CEACAM21: variants seen among roughly 807,000 people sequenced by gnomAD.
CEACAM21 encodes the protein cell adhesion molecule CEACAM21.
A neutral mutation model predicts 33.2 loss-of-function variants in CEACAM21; 38 were observed. That is an observed-to-expected ratio of 1.14 (90% CI 0.88 to 1.50). The LOEUF (loss-of-function observed/expected upper bound fraction) is 1.50, where lower values mean the gene tolerates loss of function less well. Ranked by LOEUF, CEACAM21 falls within the 40% of genes most tolerant of loss-of-function variation. The pLI, the probability that CEACAM21 is intolerant of heterozygous loss-of-function variation, is 0.00. For missense variants in CEACAM21, 385 were observed against 364.6 expected, an observed-to-expected ratio of 1.06 and a Z score of -0.46; for synonymous variants, 156 against 143.0, an observed-to-expected ratio of 1.09 and a Z score of -0.65.
In CEACAM21 at chr19:41,586,497, T is replaced by C. The variant is rs1555795580; in HGVS notation, c.*34T>C. The C allele has an allele frequency of 6.3e-6, 4 of 637,770 alleles. 1 individual carries two copies. The highest frequency in any genetic ancestry group is 3.7e-5 in the Admixed American group (2 of 54,576). 39.5% of individuals were successfully genotyped at this position (637,770 alleles called of 1,614,324 possible). A position where few individuals can be genotyped will look rare whatever the true frequency, so the allele number is the denominator to read the frequency against. ...ACACTCTGACACAAACATTTACTGC[T>C]GGATCGACCACAAAGCAGATGTGGC... On this transcript the variant is annotated 3_prime_UTR_variant, in exon 7 of 7. Coordinates refer to ENST00000401445, the MANE Select transcript of CEACAM21 (RefSeq NM_001098506.4).
intron 3 of CEACAM21, among the ~76,000 whole-genome samples, chr19:41,583,310 G>A (rs577119655): frequency 2.2e-4 from 33 of 152,200 alleles, no homozygotes; most frequent in African/African-American, 2.9e-4. Flanking sequence ...CACTATCAGC[G>A]TTTTAATCAA....
intron 3 of CEACAM21, among the ~76,000 whole-genome samples, chr19:41,580,022 G>A (rs577440985): frequency 2.8e-4 from 42 of 152,258 alleles, no homozygotes; most frequent in African/African-American, 9.4e-4. Flanking sequence ...GTTGTTATTA[G>A]CTGTTAAGTT....
chr19:41,575,411 C>T (rs1555790662), upstream of CEACAM21, among the ~76,000 whole-genome samples: 1 of 152,214 alleles, frequency 6.6e-6, no homozygotes, highest in African/African-American at 2.4e-5. Context: ...AGTCCTCATA[C>T]TCATGTACAC....
chr19:41,553,744 A>G (rs2041365361), intron 1 of CEACAM21: 1 of 152,060 alleles, frequency 6.6e-6, no homozygotes, highest in Non-Finnish European at 1.5e-5. Context: ...CACAGGATAT[A>G]AGGTCAGTTT....
At chr19:41,584,534 T>C (rs1358686307) in intron 4 of CEACAM21, 91 bp downstream of exon 4, 5 of 1,177,752 alleles carry the variant, frequency 4.2e-6, no homozygotes, top group Non-Finnish European at 6.2e-6. Context: ...AGTGCCAGGC[T>C]CTCCCCAGCC....
chr19:41,567,728 C>A (rs1471363484), intron 2 of CEACAM21, among the ~76,000 whole-genome samples: 2 of 152,152 alleles, frequency 1.3e-5, no homozygotes, highest in Non-Finnish European at 2.9e-5. Flanking sequence ...TAGCTCATAT[C>A]ATTGTAAAGT....
At chr19:41,585,710 T>C in intron 5 of CEACAM21, 130 bp from the exon 6 acceptor site, 1 of 1,106,548 alleles carries the variant, frequency 9.0e-7, no homozygotes, top group Non-Finnish European at 1.3e-6. Flanking sequence ...CTTGCTTACT[T>C]GACCCCTAAA....
intron 1 of CEACAM21, among the ~76,000 whole-genome samples, chr19:41,576,929 A>G (rs1555791269): frequency 6.6e-6 from 1 of 152,172 alleles, no homozygotes; most frequent in African/African-American, 2.4e-5. Context: ...TCACGAAAGA[A>G]GTCTCCCAGG....
At chr19:41,570,984 G>C (rs1382845314) in intron 2 of CEACAM21, among the ~76,000 whole-genome samples, 1 of 152,164 alleles carries the variant, frequency 6.6e-6, no homozygotes, top group East Asian at 1.9e-4. Context: ...GGGAAGCTGC[G>C]GGAGGGCACA....
upstream of CEACAM21, among the ~76,000 whole-genome samples, chr19:41,573,295 T>C (rs782298699): frequency 6.6e-6 from 1 of 152,172 alleles, no homozygotes; most frequent in Non-Finnish European, 1.5e-5. Context: ...GAACATGGAA[T>C]ACTCGGGGCC....
At chr19:41,565,371 C>G (rs1332170950) in intron 2 of CEACAM21, among the ~76,000 whole-genome samples, 2 of 152,112 alleles carry the variant, frequency 1.3e-5, no homozygotes, top group African/African-American at 4.8e-5. Flanking sequence ...GACACCCAGC[C>G]CGGGGGATCA....
rs782471178 is a variant in CEACAM21, at chr19:41,585,481, C to T, written c.836C>T (p.Pro279Leu). Reference sequence around the variant, plus strand: ...AGTGACTTCAGGGAGCAGCAGCCCCCAGCCTCCACCCCCGGTGAGTGTCCC... The same window carrying T: ...AGTGACTTCAGGGAGCAGCAGCCCCTAGCCTCCACCCCCGGTGAGTGTCCC... ...DQSDFREQQP[P>L]ASTPGHGPSD... Residue 279 changes from proline (P) to leucine (L), a missense_variant, in exon 5 of 7, where the codon CCA (proline) becomes CTA (leucine). Coordinates refer to ENST00000401445, the MANE Select transcript of CEACAM21 (RefSeq NM_001098506.4). 1 of 1,613,858 alleles carries T rather than the reference C, an allele frequency of 6.2e-7. No individual in the cohort carries two copies. The highest frequency in any genetic ancestry group is 8.5e-7 in the Non-Finnish European group (1 of 1,179,816).
intron 1 of CEACAM21, among the ~76,000 whole-genome samples, chr19:41,556,516 A>G (rs1396402173): frequency 2.0e-5 from 3 of 152,254 alleles, no homozygotes; most frequent in Admixed American, 2.0e-4. Context: ...TTTGAAAAAG[A>G]AAAATAAAAC....
chr19:41,559,524 A>G (rs1216298505), intron 1 of CEACAM21, among the ~76,000 whole-genome samples: 3 of 152,220 alleles, frequency 2.0e-5, no homozygotes, highest in African/African-American at 7.2e-5. Context: ...GAAAAGAGCA[A>G]TGTTTCAAAC....
At chr19:41,562,857 T>C (rs1208023153) in intron 1 of CEACAM21, among the ~76,000 whole-genome samples, 2 of 152,198 alleles carry the variant, frequency 1.3e-5, no homozygotes, top group East Asian at 3.9e-4. Flanking sequence ...GCCTCCCAAG[T>C]AGCTGGGACT....
intron 1 of CEACAM21, among the ~76,000 whole-genome samples, chr19:41,560,246 A>G (rs782573237): frequency 1.5e-4 from 23 of 152,066 alleles, no homozygotes; most frequent in Admixed American, 7.9e-4. Flanking sequence ...CTTTTGAGAC[A>G]GGGTCTCGCT....
At chr19:41,570,207 G>A (rs2042515060) in intron 2 of CEACAM21, among the ~76,000 whole-genome samples, 1 of 152,240 alleles carries the variant, frequency 6.6e-6, no homozygotes, top group South Asian at 2.1e-4. Context: ...AGATGGGTAG[G>A]TAGGCTCAGC....
intron 1 of CEACAM21, among the ~76,000 whole-genome samples, chr19:41,564,331 A>ATTTATTATTTAT (rs1258972634): frequency 2.7e-5 from 4 of 148,324 alleles, no homozygotes; most frequent in African/African-American, 1.0e-4. Flanking sequence ...TGAGTTATTT[A>ATTTATTATTTAT]TTATTTATTT....
intron 1 of CEACAM21, among the ~76,000 whole-genome samples, chr19:41,559,957 C>T (rs986777990): frequency 6.6e-6 from 1 of 152,078 alleles, no homozygotes; most frequent in African/African-American, 2.4e-5. Flanking sequence ...GCATCTCAGC[C>T]TGGACAACAG....
Sources: allele counts gnomAD v4.1 joint callset (sites outside exome capture counted in the v4.1 genomes callset), GRCh38; gene constraint gnomAD v4.1.1; transcripts MANE v1.5; gene names NCBI Gene and HGNC (gene_info 2026-07-23, HGNC 2026-07-21).